Variants in PTPN21 observed in about 807,000 individuals in gnomAD.
The protein encoded by PTPN21 is tyrosine-protein phosphatase non-receptor type 21.
PTPN21 carries 77 observed loss-of-function variants against 131.8 expected under a neutral mutation model. The ratio of observed to expected loss-of-function variants is 0.58; its 90% CI spans 0.49 to 0.71. PTPN21 has a LOEUF of 0.71. Ranked by LOEUF, PTPN21 falls within the 30% of genes least tolerant of loss-of-function variation. PTPN21 has a pLI of 0.00. For missense variants in PTPN21, 1,552 were observed against 1,527.1 expected, an observed-to-expected ratio of 1.02 and a Z score of -0.27; for synonymous variants, 715 against 621.3, an observed-to-expected ratio of 1.15 and a Z score of -2.24.
chr14:88,552,289 T>G (rs182291059), intron 1 of PTPN21: 3 of 152,248 alleles, frequency 2.0e-5, no homozygotes, highest in African/African-American at 7.2e-5. Flanking sequence ...ATGGCAGACC[T>G]GGAGAAAAGG....
rs977878189 is a variant in PTPN21, at chr14:88,470,163, A to C, written c.2872-113T>G. 3 of 967,576 alleles carry C rather than the reference A, an allele frequency of 3.1e-6. No individual in the cohort carries two copies. In the African/African-American group the frequency reaches 5.0e-5, roughly 16 times the overall value. 59.9% of individuals were successfully genotyped at this position (967,576 alleles called of 1,614,324 possible). On this transcript the variant is annotated intron_variant, in intron 15 of 18. Transcript: ENST00000556564. ...TTTTTTTAAAAAAGTAAAAAGTAAA[A>C]AAGTAGTAAACTGGATTATTCAGCA...
chr14:88,470,093 T>C lies in PTPN21; in HGVS notation c.2872-43A>G, dbSNP rs1334330590. ...TAAAAAAATTGATGTGTGGGTATAA[T>C]ATACATAGGTATGTATGCATGCATT... On this transcript the variant is annotated intron_variant, in intron 15 of 18. Coordinates refer to ENST00000556564, the MANE Select transcript of PTPN21 (RefSeq NM_007039.4). 1.9e-6 allele frequency: 3 copies of C among 1,587,556 alleles called. No individual in the cohort carries two copies. The Admixed American group carries it at 5.0e-5, about 27-fold the overall frequency.
chr14:88,539,535 A>T (rs2078676594), intron 2 of PTPN21, among the ~76,000 whole-genome samples: 1 of 152,172 alleles, frequency 6.6e-6, no homozygotes, highest in African/African-American at 2.4e-5. Context: ...GACATGAGCC[A>T]CCACGCCTGG....
At chr14:88,512,947 C>A (rs970565760) in intron 3 of PTPN21, among the ~76,000 whole-genome samples, 2 of 152,124 alleles carry the variant, frequency 1.3e-5, no homozygotes, top group Non-Finnish European at 2.9e-5. Context: ...ATGATGCCAG[C>A]CTGTTCCCTT....
intron 3 of PTPN21, chr14:88,512,541 A>G (rs1046495947): frequency 1.1e-4 from 17 of 152,144 alleles, no homozygotes; most frequent in African/African-American, 3.9e-4. Context: ...TTGTAGTCTC[A>G]TGGGGTCATT....
chr14:88,551,718 C>G (rs568956826), intron 1 of PTPN21: 61 of 152,244 alleles, frequency 4.0e-4, no homozygotes, highest in Non-Finnish European at 8.4e-4. Flanking sequence ...GCTATGCCAC[C>G]CAGGCTGGAG....
intron 10 of PTPN21, among the ~76,000 whole-genome samples, chr14:88,493,880 T>A (rs535733472): frequency 1.3e-5 from 2 of 152,174 alleles, no homozygotes; most frequent in African/African-American, 4.8e-5. Context: ...TCTTAACACC[T>A]GTATCTATAG....
rs1478633008 is a variant in PTPN21, at chr14:88,479,517, G to A, written c.1914C>T (p.Ile638=). The stretch of plus-strand genomic sequence containing the variant: ...GGCCGTGGCTGAGCCCGGCCACCTC[G>A]ATGCTGTTCCGTTTGTGCAGCTGCG... ...RHAQLHKRNS[I]EVAGLSHGLE... The change falls in exon 13 of 19, where the codon ATC becomes ATT. Residue 638 remains isoleucine (I), a synonymous_variant. Coordinates refer to ENST00000556564, the MANE Select transcript of PTPN21 (RefSeq NM_007039.4). The A allele has an allele frequency of 1.2e-6, 2 of 1,600,778 alleles. No homozygotes were observed. The highest frequency in any genetic ancestry group is 1.7e-6 in the Non-Finnish European group (2 of 1,179,290).
At chr14:88,514,151 T>C (rs1328318275) in intron 3 of PTPN21, among the ~76,000 whole-genome samples, 1 of 152,252 alleles carries the variant, frequency 6.6e-6, no homozygotes, top group Non-Finnish European at 1.5e-5. Context: ...GTTTTGGCTT[T>C]TTCCTTTAGG....
intron 13 of PTPN21, among the ~76,000 whole-genome samples, chr14:88,474,131 C>CAAAAAAA (rs754719071): frequency 1.4e-3 from 64 of 46,622 alleles, no homozygotes; most frequent in African/African-American, 2.1e-3. Context: ...AGCTGAAGTC[C>CAAAAAAA]AAAAAAAAAA....
At chr14:88,537,644 T>C (rs2078649322) in intron 2 of PTPN21, among the ~76,000 whole-genome samples, 1 of 152,170 alleles carries the variant, frequency 6.6e-6, no homozygotes, top group Non-Finnish European at 1.5e-5. Context: ...TGGAGAAAGA[T>C]CTTGAATTAT....
At chr14:88,484,213 A>ATTTTTTTT (rs58568578) in intron 12 of PTPN21, among the ~76,000 whole-genome samples, 2 of 88,888 alleles carry the variant, frequency 2.3e-5, no homozygotes, top group African/African-American at 3.3e-5. Context: ...ACGCCCAGCT[A>ATTTTTTTT]TTTTTTTTTT....
intron 3 of PTPN21, among the ~76,000 whole-genome samples, chr14:88,508,839 A>G (rs539235857): frequency 1.3e-5 from 2 of 152,338 alleles, no homozygotes; most frequent in South Asian, 2.1e-4. Flanking sequence ...TGCTTTCTTA[A>G]TATCTGGTAA....
intron 3 of PTPN21, chr14:88,515,123 G>A (rs924294612): frequency 6.6e-6 from 1 of 152,206 alleles, no homozygotes; most frequent in Non-Finnish European, 1.5e-5. Flanking sequence ...GAGCATCCTT[G>A]AAGACTCTGT....
chr14:88,534,385 GAA>G (rs1187780398), intron 2 of PTPN21, among the ~76,000 whole-genome samples: 1 of 106,608 alleles, frequency 9.4e-6, no homozygotes. Context: ...TGTCTCAAAA[GAA>G]AAAAAAAAAA....
chr14:88,524,832 G>A (rs1595400138), intron 2 of PTPN21, among the ~76,000 whole-genome samples: 1 of 151,326 alleles, frequency 6.6e-6, no homozygotes, highest in East Asian at 2.0e-4. Flanking sequence ...TTGGGCCCAG[G>A]AGACCAAGGC....
chr14:88,528,243 T>C (rs967166202), intron 2 of PTPN21, among the ~76,000 whole-genome samples: 2 of 152,194 alleles, frequency 1.3e-5, no homozygotes, highest in South Asian at 2.1e-4. Flanking sequence ...TTTGGCAATA[T>C]GGTCATTTTC....
chr14:88,520,905 A>G (rs983869446), intron 2 of PTPN21, among the ~76,000 whole-genome samples: 8 of 152,168 alleles, frequency 5.3e-5, no homozygotes, highest in African/African-American at 1.9e-4. Flanking sequence ...GTGTACTGAC[A>G]TGATCACGGC....
At chr14:88,483,281 G>A (rs1027804876) in intron 12 of PTPN21, among the ~76,000 whole-genome samples, 11 of 151,644 alleles carry the variant, frequency 7.3e-5, no homozygotes, top group Non-Finnish European at 1.3e-4. Context: ...AAAGGGAGGA[G>A]AATGAACAAT....
Sources: allele counts gnomAD v4.1 joint callset (sites outside exome capture counted in the v4.1 genomes callset), GRCh38; gene constraint gnomAD v4.1.1; transcripts MANE v1.5; gene names NCBI Gene and HGNC (gene_info 2026-07-23, HGNC 2026-07-21).